Variants in CTNND2 observed in about 807,000 individuals in gnomAD.
The protein encoded by CTNND2 is catenin delta-2.
CTNND2 carries 22 observed loss-of-function variants against 144.4 expected under a neutral mutation model. The ratio of observed to expected loss-of-function variants is 0.15; its 90% CI spans 0.11 to 0.22. The LOEUF is 0.22. Ranked by LOEUF, CTNND2 falls within the 10% of genes least tolerant of loss-of-function variation. The pLI is 1.00. For synonymous variants in CTNND2, 751 were observed against 695.6 expected (o/e 1.08, Z -1.25); for missense variants, 1,353 against 1,618.8 (o/e 0.84, Z 2.82).
chr5:11,466,507 C>T (rs1561435488), intron 3 of CTNND2, among the ~76,000 whole-genome samples: 1 of 152,128 alleles, frequency 6.6e-6, no homozygotes, highest in Non-Finnish European at 1.5e-5. Context: ...TGATATATAA[C>T]AGAAGAACAT....
At chr5:11,293,837 T>G (rs1425743028) in intron 9 of CTNND2, among the ~76,000 whole-genome samples, 1 of 147,158 alleles carries the variant, frequency 6.8e-6, no homozygotes, top group Admixed American at 6.8e-5. Context: ...AATGCTTAAA[T>G]ATATATGTAT....
chr5:10,978,100 C>A (rs780868364), intron 21 of CTNND2, among the ~76,000 whole-genome samples: 8 of 152,220 alleles, frequency 5.3e-5, no homozygotes. Flanking sequence ...GAGCGCTCAG[C>A]AGAGGACAAG....
In CTNND2 at chr5:11,807,174, T is replaced by C. The variant is rs569852449; in HGVS notation, c.38-74902A>G. Among the ~76,000 whole-genome samples the C allele has an allele frequency of 4.6e-5, 7 of 152,288 alleles. No individual in the cohort carries two copies. The South Asian group carries it at 1.4e-3, about 32-fold the overall frequency. Reference sequence around the variant, plus strand: ...TATTGAAAAACAACTTGTTCCTTCATTTCTTTCCACACTTAATTCCTCTGG... The same window carrying C: ...TATTGAAAAACAACTTGTTCCTTCACTTCTTTCCACACTTAATTCCTCTGG... On this transcript the variant is annotated intron_variant, in intron 1 of 21. Coordinates refer to ENST00000304623, the MANE Select transcript of CTNND2 (RefSeq NM_001332.4).
chr5:11,020,256 G>A (rs1425801495), intron 17 of CTNND2, among the ~76,000 whole-genome samples: 1 of 152,048 alleles, frequency 6.6e-6, no homozygotes, highest in East Asian at 1.9e-4. Context: ...TATATATAAA[G>A]AACATGTATA....
intron 3 of CTNND2, among the ~76,000 whole-genome samples, chr5:11,450,590 C>T (rs1484777740): frequency 6.6e-6 from 1 of 152,112 alleles, no homozygotes; most frequent in African/African-American, 2.4e-5. Context: ...TGGAAAGAGA[C>T]TGATTTCAAT....
chr5:11,612,386 T>C (rs1195798943), intron 2 of CTNND2, among the ~76,000 whole-genome samples: 1 of 152,188 alleles, frequency 6.6e-6, no homozygotes, highest in Non-Finnish European at 1.5e-5. Context: ...TACTAAGTAG[T>C]TCAATATCCC....
intron 1 of CTNND2, among the ~76,000 whole-genome samples, chr5:11,810,177 C>G (rs1268688194): frequency 6.6e-6 from 1 of 151,918 alleles, no homozygotes; most frequent in East Asian, 1.9e-4. Flanking sequence ...AAATCCATAT[C>G]TAGTATCTAC....
rs898370395 is a variant in CTNND2, at chr5:11,701,920, C to T, written c.174+30216G>A. Reference sequence around the variant, plus strand: ...CGAGTCAACGGAAGTTTAAAGAGAACGAATTCTGCAGTGCCTTCCCACTGT... The same window carrying T: ...CGAGTCAACGGAAGTTTAAAGAGAATGAATTCTGCAGTGCCTTCCCACTGT... On this transcript the variant is annotated intron_variant, in intron 2 of 21. Transcript: ENST00000304623. Among the ~76,000 whole-genome samples the T allele has an allele frequency of 1.1e-4, 16 of 152,262 alleles. No individual in the cohort carries two copies. In the East Asian group the frequency reaches 1.2e-3, roughly 11 times the overall value.
intron 2 of CTNND2, among the ~76,000 whole-genome samples, chr5:11,650,401 A>G (rs912421876): frequency 2.0e-5 from 3 of 152,298 alleles, no homozygotes; most frequent in African/African-American, 7.2e-5. Flanking sequence ...AGTCCTTTAT[A>G]GCAATGCAAG....
intron 1 of CTNND2, among the ~76,000 whole-genome samples, chr5:11,811,475 T>C (rs1229963593): frequency 6.6e-6 from 1 of 152,126 alleles, no homozygotes; most frequent in Non-Finnish European, 1.5e-5. Context: ...CATAAATAAA[T>C]CCAATAGGCT....
rs189017412 is a variant in CTNND2, at chr5:11,397,284, T to C, written c.440-81A>G. The C allele has an allele frequency of 6.4e-5, 76 of 1,185,794 alleles. No individual in the cohort carries two copies. The East Asian group carries it at 1.9e-3, about 30-fold the overall frequency. The allele number at this position is 1,185,794 out of a possible 1,614,324, so 73.5% of individuals were successfully genotyped here. ...CATGTATTATTTATTGAGAGTAGCC[T>C]AGAATTATCTCATGCACATGATTCC... On this transcript the variant is annotated intron_variant, in intron 5 of 21. Transcript: ENST00000304623.
intron 1 of CTNND2, among the ~76,000 whole-genome samples, chr5:11,836,918 A>G (rs559040516): frequency 6.6e-6 from 1 of 152,332 alleles, no homozygotes; most frequent in East Asian, 1.9e-4. Flanking sequence ...CAGTGGTCCA[A>G]GGCAAAAGCT....
At chr5:11,033,826 TCAA>T (rs888683741) in intron 16 of CTNND2, among the ~76,000 whole-genome samples, 10 of 143,636 alleles carry the variant, frequency 7.0e-5, no homozygotes, top group African/African-American at 2.5e-4. Flanking sequence ...TACGACTGTC[TCAA>T]CAACAACAGC....
At chr5:11,162,059 A>G (rs553501143) in intron 11 of CTNND2, among the ~76,000 whole-genome samples, 2 of 150,350 alleles carry the variant, frequency 1.3e-5, no homozygotes, top group Admixed American at 6.6e-5. Flanking sequence ...CTGGGGCAGG[A>G]GAATTGCTTG....
chr5:11,170,920 T>C (rs1160137642), intron 11 of CTNND2, among the ~76,000 whole-genome samples: 2 of 152,180 alleles, frequency 1.3e-5, no homozygotes, highest in Admixed American at 1.3e-4. Context: ...GAGAATCACG[T>C]GCAGGGGAAC....
At chr5:11,127,782 T>C (rs1161140997) in intron 12 of CTNND2, among the ~76,000 whole-genome samples, 4 of 152,192 alleles carry the variant, frequency 2.6e-5, no homozygotes, top group Non-Finnish European at 4.4e-5. Context: ...CTTAACAGAT[T>C]ACTCATCCAG....
At chr5:11,538,624 T>C (rs1219078610) in intron 3 of CTNND2, among the ~76,000 whole-genome samples, 2 of 152,194 alleles carry the variant, frequency 1.3e-5, no homozygotes. Flanking sequence ...AAACTTTATT[T>C]ATAATATTCT....
chr5:11,437,607 G>C (rs140871993), intron 3 of CTNND2, among the ~76,000 whole-genome samples: 1 of 152,298 alleles, frequency 6.6e-6, no homozygotes, highest in Admixed American at 6.5e-5. Context: ...GGCATAATAA[G>C]GGAAAGAGCA....
At chr5:11,207,619 C>A (rs1027201722) in intron 10 of CTNND2, among the ~76,000 whole-genome samples, 1 of 152,112 alleles carries the variant, frequency 6.6e-6, no homozygotes, top group Non-Finnish European at 1.5e-5. Flanking sequence ...ATCCTCCCCA[C>A]CTGATTAAGC....
Sources: allele counts gnomAD v4.1 joint callset (sites outside exome capture counted in the v4.1 genomes callset), GRCh38; gene constraint gnomAD v4.1.1; transcripts MANE v1.5; gene names NCBI Gene and HGNC (gene_info 2026-07-23, HGNC 2026-07-21).